Variants in KAZN observed in about 807,000 individuals in gnomAD.
KAZN encodes kazrin.
Under a neutral mutation model 87.4 loss-of-function variants are expected in KAZN, and 40 were observed. That is an observed-to-expected ratio of 0.46 (90% CI 0.36 to 0.60). KAZN has a LOEUF of 0.60. Ranked by LOEUF, KAZN falls within the 20% of genes least tolerant of loss-of-function variation. The probability of loss-of-function intolerance (pLI) is 0.00; values close to 1 mark genes in which losing one functional copy is unlikely to be tolerated. For synonymous variants in KAZN, 466 were observed against 458.3 expected (o/e 1.02, Z -0.22); for missense variants, 898 against 1,073.9 (o/e 0.84, Z 2.29).
intron 2 of KAZN, among the ~76,000 whole-genome samples, chr1:14,486,814 C>G (rs1669373840): frequency 6.6e-6 from 1 of 152,214 alleles, no homozygotes; most frequent in African/African-American, 2.4e-5. Flanking sequence ...GTACTGACCA[C>G]TGGGAAGTGC....
At chr1:14,727,756 G>A (rs72636627) in intron 1 of KAZN, among the ~76,000 whole-genome samples, 13,310 of 151,490 alleles carry the variant, frequency 0.088, 785 homozygotes, top group Non-Finnish European at 0.13. Context: ...GTGAGCCACC[G>A]CTTCGGCTGT....
chr1:14,261,627 G>A (rs75564092), intron 2 of KAZN, among the ~76,000 whole-genome samples: 2,133 of 152,298 alleles, frequency 0.014, 58 homozygotes, highest in African/African-American at 0.048. Context: ...GTAAAATCAT[G>A]CTGACATTTG....
chr1:14,453,303 G>A (rs922472757), intron 2 of KAZN, among the ~76,000 whole-genome samples: 1 of 152,058 alleles, frequency 6.6e-6, no homozygotes, highest in Non-Finnish European at 1.5e-5. Flanking sequence ...ATTTTTGATA[G>A]CAACATGAGT....
chr1:14,596,578 C>A (rs1280893781), upstream of KAZN, among the ~76,000 whole-genome samples: 1 of 152,204 alleles, frequency 6.6e-6, no homozygotes, highest in African/African-American at 2.4e-5. Flanking sequence ...AAAGTAACAC[C>A]CGGCACCTAT....
At chr1:15,113,689 T>TCTCA (rs55707537) in intron 14 of KAZN, 134,278 of 151,326 alleles carry the variant, frequency 0.89, 60,128 homozygotes, top group South Asian at 0.99. Context: ...TGAGACAGGG[T>TCTCA]CTCTGTCAGG....
chr1:14,792,359 AG>A (rs112994210), intron 1 of KAZN, among the ~76,000 whole-genome samples: 1 of 152,176 alleles, frequency 6.6e-6, no homozygotes, highest in African/African-American at 2.4e-5. Context: ...TGGCTAAACA[AG>A]GTGTGGTCAA....
At chr1:14,872,277 T>C (rs992296779) in intron 1 of KAZN, among the ~76,000 whole-genome samples, 1 of 152,246 alleles carries the variant, frequency 6.6e-6, no homozygotes, top group African/African-American at 2.4e-5. Context: ...AGCAGTGCTG[T>C]CTGATAGAAC....
intron 1 of KAZN, among the ~76,000 whole-genome samples, chr1:14,790,613 A>G (rs1048781291): frequency 2.0e-5 from 3 of 152,180 alleles, no homozygotes; most frequent in Non-Finnish European, 4.4e-5. Context: ...TTTGTTGGGA[A>G]GTCATTCAAG....
chr1:14,194,983 G>C (rs1455746902), intron 2 of KAZN, among the ~76,000 whole-genome samples: 1 of 152,100 alleles, frequency 6.6e-6, no homozygotes, highest in Non-Finnish European at 1.5e-5. Context: ...TTCAAGTATA[G>C]TTCTCATTTT....
At chr1:14,366,482 C>T (rs1320402886) in intron 2 of KAZN, among the ~76,000 whole-genome samples, 2 of 152,216 alleles carry the variant, frequency 1.3e-5, no homozygotes, top group Admixed American at 6.5e-5. Context: ...CCTTCACTGG[C>T]GGGAACTGGA....
chr1:14,992,697 G>A (rs1667467841), intron 2 of KAZN, among the ~76,000 whole-genome samples: 1 of 152,088 alleles, frequency 6.6e-6, no homozygotes, highest in African/African-American at 2.4e-5. Flanking sequence ...AGGCTGGAGT[G>A]CAGCAGCGCA....
intron 1 of KAZN, among the ~76,000 whole-genome samples, chr1:14,155,949 T>C (rs986411327): frequency 6.6e-6 from 1 of 152,074 alleles, no homozygotes; most frequent in African/African-American, 2.4e-5. Context: ...GATATTTTTC[T>C]TCTCTTTTGA....
At chr1:14,926,441 C>T (rs184246035) in intron 1 of KAZN, among the ~76,000 whole-genome samples, 18 of 152,236 alleles carry the variant, frequency 1.2e-4, no homozygotes, top group Admixed American at 1.0e-3. Context: ...ATGGTATGTC[C>T]GTTTTAAAAG....
At chr1:14,102,912 C>CTTTTTTTTTT (rs140592376) in intron 1 of KAZN, among the ~76,000 whole-genome samples, 1 of 149,424 alleles carries the variant, frequency 6.7e-6, no homozygotes. Context: ...ACTAATCTCT[C>CTTTTTTTTTT]TCTTTTTTTT....
At chr1:14,193,128 C>T (rs1266811778) in intron 2 of KAZN, among the ~76,000 whole-genome samples, 5 of 152,250 alleles carry the variant, frequency 3.3e-5, no homozygotes, top group Middle Eastern at 6.8e-3. Context: ...TCCTTCCTGC[C>T]GCCTTGTGAA....
chr1:14,802,737 G>T (rs932058221), intron 1 of KAZN, among the ~76,000 whole-genome samples: 2 of 152,226 alleles, frequency 1.3e-5, no homozygotes, highest in Non-Finnish European at 2.9e-5. Context: ...CACGGACCCT[G>T]TTGGGCCAGC....
intron 1 of KAZN, among the ~76,000 whole-genome samples, chr1:14,628,908 A>G (rs1679349368): frequency 7.0e-6 from 1 of 143,000 alleles, no homozygotes; most frequent in African/African-American, 2.6e-5. Flanking sequence ...GTGCAGTGGC[A>G]CCATCTCCAC....
chr1:14,859,002 C>G (rs571023515), intron 1 of KAZN, among the ~76,000 whole-genome samples: 27 of 152,132 alleles, frequency 1.8e-4, no homozygotes, highest in African/African-American at 6.3e-4. Context: ...GTCAGGAGAT[C>G]GAGACCATCC....
chr1:14,581,576 C>T lies in KAZN; in HGVS notation c.250-17407C>T, dbSNP rs147819480. Among the ~76,000 whole-genome samples, 517 of 152,272 alleles carry T rather than the reference C, an allele frequency of 3.4e-3. 2 individuals are homozygous for T. The highest frequency in any genetic ancestry group is 0.019 in the South Asian group (93 of 4,820). ...CTCGTGTCGTTCCTCTACTCAACAC[C>T]GGTCAGTGTCCCCCATCTCACTCAG... is the stretch of plus-strand genomic sequence containing the variant. On this transcript the variant is annotated intron_variant, in intron 2 of 16. Transcript: ENST00000636203.
Sources: allele counts gnomAD v4.1 joint callset (sites outside exome capture counted in the v4.1 genomes callset), GRCh38; gene constraint gnomAD v4.1.1; transcripts MANE v1.5; gene names NCBI Gene and HGNC (gene_info 2026-07-23, HGNC 2026-07-21).